The following GPR84 variants were observed in gnomAD, a reference collection of about 807,000 sequenced individuals.
The protein encoded by GPR84 is G-protein coupled receptor 84.
A neutral mutation model predicts 14.9 loss-of-function variants in GPR84; 8 were observed. That is an observed-to-expected ratio of 0.54 (90% CI 0.31 to 0.97). The LOEUF (loss-of-function observed/expected upper bound fraction) is 0.97. GPR84 is among the 50% of genes least tolerant of loss of function. GPR84 has a pLI of 0.04. For missense variants in GPR84, 424 were observed against 498.7 expected (o/e 0.85, Z 1.43); for synonymous variants, 164 against 198.1 (o/e 0.83, Z 1.45).
At chr12:54,364,062 C>T (rs1954303410) in intron 1 of GPR84, 1 of 467,070 alleles carries the variant, frequency 2.1e-6, no homozygotes, top group Non-Finnish European at 3.8e-6. Context: ...TTCCCATTCT[C>T]AAATATTTCC....
At chr12:54,355,353 T>TGTGTGCGC in the GPR84 span, among the ~76,000 whole-genome samples, 65 of 151,536 alleles carry the variant, frequency 4.3e-4, no homozygotes, top group African/African-American at 1.5e-3. Context: ...TGTGTGTGTG[T>TGTGTGCGC]GCGCATGGCA....
chr12:54,354,083 G>T, the GPR84 span, among the ~76,000 whole-genome samples: 1 of 150,754 alleles, frequency 6.6e-6, no homozygotes, highest in Non-Finnish European at 1.5e-5. Context: ...TCTCTTTAGT[G>T]TTTGTCATTC....
the GPR84 span, among the ~76,000 whole-genome samples, chr12:54,354,828 C>G: frequency 6.6e-6 from 1 of 152,090 alleles, no homozygotes; most frequent in Non-Finnish European, 1.5e-5. Context: ...ACCTTCTGCC[C>G]ACCCTGCCCT....
At position 54,362,640 on chromosome 12, in the gene GPR84, C is replaced by A. The variant is rs752601630; in HGVS notation, c.*21G>T. ...GTCCTGGAGGAGACAGTCCTGAATT[C>A]TGGTGACTAGGGTCACAGTTCTAAT... On this transcript the variant is annotated 3_prime_UTR_variant, in exon 2 of 2. Transcript: ENST00000267015. This position sits in a 1 kb window ranked among gnomAD's most constrained non-coding sequence, Gnocchi z 4.0. The A allele has an allele frequency of 8.6e-6, 13 of 1,511,046 alleles. No individual in the cohort carries two copies. Among genetic ancestry groups the A allele is most frequent in the Non-Finnish European group, 1.2e-5 (13 of 1,102,618 alleles). The allele number at this position is 1,511,046 out of a possible 1,614,324, so 93.6% of individuals were successfully genotyped here. A position where few individuals can be genotyped will look rare whatever the true frequency, so the allele number is the denominator to read the frequency against.
At chr12:54,361,440 G>A (rs1188482057), downstream of GPR84, among the ~76,000 whole-genome samples, 2 of 152,132 alleles carry the variant, frequency 1.3e-5, no homozygotes, top group East Asian at 1.9e-4. This position sits in a 1 kb window ranked among gnomAD's most constrained non-coding sequence, Gnocchi z 4.3. Flanking sequence ...GCGTGATCTC[G>A]GCTCACTGTA....
chr12:54,354,097 GTCTTTTCTTTTC>G, the GPR84 span, among the ~76,000 whole-genome samples: 1 of 151,404 alleles, frequency 6.6e-6, no homozygotes, highest in East Asian at 1.9e-4. Flanking sequence ...GTCATTCTGT[GTCTTTTCTTTTC>G]TCTTTTCTTT....
At chr12:54,352,858 G>C in the GPR84 span, among the ~76,000 whole-genome samples, 1 of 152,238 alleles carries the variant, frequency 6.6e-6, no homozygotes, top group Non-Finnish European at 1.5e-5. Flanking sequence ...TGCATTGAAA[G>C]TTGGAGTGCA....
At chr12:54,362,201 T>C (rs979708675), downstream of GPR84, among the ~76,000 whole-genome samples, 1 of 152,226 alleles carries the variant, frequency 6.6e-6, no homozygotes, top group Non-Finnish European at 1.5e-5. This position sits in a 1 kb window ranked among gnomAD's most constrained non-coding sequence, Gnocchi z 4.0. Context: ...GAAACCCCTC[T>C]TCTAAAGGCT....
rs1954290644 is a variant in GPR84 at position 54,363,247 on chromosome 12, T to C, written c.605A>G (p.His202Arg). 6.2e-7 allele frequency: 1 copy of C among 1,614,022 alleles called. No individual in the cohort carries two copies. Among genetic ancestry groups the C allele is most frequent in the South Asian group, 1.1e-5 (1 of 91,090 alleles). The stretch of plus-strand genomic sequence containing the variant: ...CTGTGCTGCTCGTTTGACCTGGCGG[T>C]GGATGAGGCAATAGAAGATGCCAAC... The part of the protein sequence containing the change: ...SSVGIFYCLI[H>R]RQVKRAAQAL... Residue 202 changes from histidine to arginine, a missense_variant, in exon 2 of 2, where the codon CAC becomes CGC. Physicochemically the swap from His to Arg is conservative, Grantham distance 29 (BLOSUM62 0). Transcript: ENST00000267015.
In GPR84 at chr12:54,363,538, G is replaced by C; in HGVS notation, c.314C>G (p.Ser105Cys). 6.2e-7 allele frequency: 1 copy of C among 1,614,106 alleles called. No individual in the cohort carries two copies. Among genetic ancestry groups the C allele is most frequent in the Non-Finnish European group, 8.5e-7 (1 of 1,179,990 alleles). Residue 105 changes from serine to cysteine, a missense_variant, in exon 2 of 2, where the codon TCT becomes TGT. Coordinates refer to ENST00000267015, the MANE Select transcript of GPR84 (RefSeq NM_020370.3). ...VFGLLLFASN[S>C]VSILTLCLIA... ...GAGGCAGAGGGTCAGGATGGAGACA[G>C]AATTGGAGGCAAAAAGGAGGAGCCC...
Position 54,362,677 on chromosome 12 carries a change from A to C in GPR84, c.1175T>G (p.Phe392Cys). 6.2e-7 allele frequency: 1 copy of C among 1,606,210 alleles called. No homozygotes were observed. The highest frequency in any genetic ancestry group is 8.5e-7 in the Non-Finnish European group (1 of 1,174,672). The change falls in exon 2 of 2, where the codon TTC (phenylalanine) becomes TGC (cysteine). Residue 392 changes from phenylalanine (F) to cysteine (C), a missense_variant. Transcript: ENST00000267015. The surrounding 1 kb of genome is among the most constrained non-coding windows in gnomAD (Gnocchi z 4.0). ...GSILKRGPRS[F>C]HRLH ...GTCACAGTTCTAATGGAGCCTATGG[A>C]AACTCCGGGGCCCTCTTTTTAAAAT... is the stretch of plus-strand genomic sequence containing the variant.
chr12:54,354,116 CTT>C, the GPR84 span, among the ~76,000 whole-genome samples: 47 of 141,354 alleles, frequency 3.3e-4, no homozygotes, highest in Non-Finnish European at 4.1e-4. Flanking sequence ...TTTCTCTTTT[CTT>C]TTTTTTTTTT....
At chr12:54,351,782 G>C in the GPR84 span, 1 of 152,192 alleles carries the variant, frequency 6.6e-6, no homozygotes, top group African/African-American at 2.4e-5. Flanking sequence ...AAGATGCATG[G>C]AGTCAGGAGA....
Position 54,362,601 on chromosome 12 carries a change from A to T in GPR84, c.*60T>A. ...GTGTTATTTCACCTATTCTCCTATT[A>T]CCTGGCCACTTTGGTCCTGGAGGAG... On this transcript the variant is annotated 3_prime_UTR_variant, in exon 2 of 2. Transcript: ENST00000267015. The surrounding 1 kb of genome is among the most constrained non-coding windows in gnomAD (Gnocchi z 4.0). 1 of 1,062,896 alleles carries T rather than the reference A, an allele frequency of 9.4e-7. No homozygotes were observed. The highest frequency in any genetic ancestry group is 1.5e-5 in the South Asian group (1 of 67,440). The allele number at this position is 1,062,896 out of a possible 1,614,324, so 65.8% of individuals were successfully genotyped here.
At chr12:54,359,367 G>A (rs1954244562), downstream of GPR84, among the ~76,000 whole-genome samples, 1 of 141,272 alleles carries the variant, frequency 7.1e-6, no homozygotes, top group African/African-American at 2.6e-5. Context: ...AAGAGACAGC[G>A]AAAGAGAGAG....
the GPR84 span, among the ~76,000 whole-genome samples, chr12:54,355,243 C>A: frequency 6.6e-6 from 1 of 152,012 alleles, no homozygotes; most frequent in African/African-American, 2.4e-5. Flanking sequence ...AAAGTCATAG[C>A]AAGAGAAGGC....
downstream of GPR84, among the ~76,000 whole-genome samples, chr12:54,358,198 C>A (rs557716300): frequency 2.6e-5 from 4 of 152,208 alleles, no homozygotes; most frequent in African/African-American, 7.2e-5. Context: ...ATAAATTTAA[C>A]TGGGGAGGTG....
the GPR84 span, among the ~76,000 whole-genome samples, chr12:54,354,224 C>T: frequency 2.6e-4 from 40 of 151,686 alleles, no homozygotes; most frequent in Non-Finnish European, 4.3e-4. Flanking sequence ...CAGGTGATCC[C>T]GCCACCTCAG....
downstream of GPR84, among the ~76,000 whole-genome samples, chr12:54,359,833 C>T (rs1278781422): frequency 6.6e-6 from 1 of 152,064 alleles, no homozygotes. Context: ...AAATTAGGGG[C>T]TGGGGTGGAT....
Sources: gnomAD v4.1 joint callset for allele counts (sites outside exome capture counted in the v4.1 genomes callset) on GRCh38, gnomAD v4.1.1 for gene constraint, Gnocchi (gnomAD v3.1) non-coding constraint, MANE v1.5 for transcripts, NCBI Gene and HGNC (gene_info 2026-07-23, HGNC 2026-07-21) for gene names.